Variants in STPG2 observed in about 807,000 individuals in gnomAD.
STPG2 encodes sperm tail PG-rich repeat containing 2, also known as sperm-tail PG-rich repeat-containing protein 2.
STPG2 carries 56 observed loss-of-function variants against 54.2 expected under a neutral mutation model. The ratio of observed to expected loss-of-function variants is 1.03; its 90% CI spans 0.83 to 1.29. The LOEUF (loss-of-function observed/expected upper bound fraction) is 1.29, where lower values mean the gene tolerates loss of function less well. STPG2 is among the 50% of genes most tolerant of loss of function. STPG2 has a pLI of 0.00. For synonymous variants in STPG2, 200 were observed against 181.8 expected (o/e 1.10, Z -0.81); for missense variants, 596 against 544.9 (o/e 1.09, Z -0.93).
intron 6 of STPG2, among the ~76,000 whole-genome samples, chr4:97,979,050 G>T (rs1734583876): frequency 6.6e-6 from 1 of 152,158 alleles, no homozygotes; most frequent in Non-Finnish European, 1.5e-5. Flanking sequence ...CCTCACAGGT[G>T]ATTTAAAACA....
chr4:97,944,346 A>G (rs891698339), intron 7 of STPG2, among the ~76,000 whole-genome samples: 3 of 151,860 alleles, frequency 2.0e-5, no homozygotes, highest in African/African-American at 7.2e-5. Flanking sequence ...ATTATATAGT[A>G]TTATTTAACA....
At chr4:97,638,634 A>C (rs1444805022) in intron 10 of STPG2, among the ~76,000 whole-genome samples, 27 of 144,066 alleles carry the variant, frequency 1.9e-4, no homozygotes, top group African/African-American at 6.3e-4. Context: ...CAATGAACTC[A>C]AACAAATTTA....
intron 9 of STPG2, among the ~76,000 whole-genome samples, chr4:97,788,139 T>A (rs1726882342): frequency 6.6e-6 from 1 of 151,988 alleles, no homozygotes; most frequent in African/African-American, 2.4e-5. Flanking sequence ...TTGACTATGA[T>A]CACCTCGTTG....
At chr4:97,633,842 A>C (rs1721394467) in intron 10 of STPG2, 1 of 156,522 alleles carries the variant, frequency 6.4e-6, no homozygotes, top group African/African-American at 2.4e-5. Context: ...TGAGGGTCCT[A>C]CCCCACGGAG....
intron 4 of STPG2, among the ~76,000 whole-genome samples, chr4:97,445,792 A>C (rs1476735927): frequency 6.6e-6 from 1 of 152,188 alleles, no homozygotes; most frequent in Non-Finnish European, 1.5e-5. Flanking sequence ...ATATTTTATT[A>C]CTTTAGCAAA....
At chr4:97,560,791 A>G (rs764672987) in intron 10 of STPG2, among the ~76,000 whole-genome samples, 6 of 152,224 alleles carry the variant, frequency 3.9e-5, no homozygotes, top group Non-Finnish European at 5.9e-5. Context: ...GTATTCTCAG[A>G]AGGTGACAAC....
intron 8 of STPG2, among the ~76,000 whole-genome samples, chr4:97,845,488 T>C (rs1289895467): frequency 2.0e-5 from 3 of 152,192 alleles, no homozygotes; most frequent in Admixed American, 6.5e-5. Context: ...TAAAGTTATT[T>C]ACGTCAATAT....
At chr4:97,862,793 C>G (rs551379097) in intron 8 of STPG2, among the ~76,000 whole-genome samples, 1 of 152,258 alleles carries the variant, frequency 6.6e-6, no homozygotes, top group Non-Finnish European at 1.5e-5. Flanking sequence ...TTAAGAAACT[C>G]ACTCAAAACC....
intron 10 of STPG2, among the ~76,000 whole-genome samples, chr4:97,592,726 C>A (rs376641801): frequency 2.6e-5 from 4 of 152,228 alleles, no homozygotes; most frequent in East Asian, 3.9e-4. Context: ...TGCACCAGAA[C>A]TCGTTTTTGG....
At chr4:98,134,631 A>G (rs1740089380) in intron 1 of STPG2, among the ~76,000 whole-genome samples, 172 bp from the exon 2 acceptor site, 1 of 151,320 alleles carries the variant, frequency 6.6e-6, no homozygotes, top group South Asian at 2.1e-4. Flanking sequence ...TAAGATCAGA[A>G]TTTTTATTAA....
At chr4:98,005,161 C>T (rs1192581647) in intron 5 of STPG2, among the ~76,000 whole-genome samples, 1 of 152,138 alleles carries the variant, frequency 6.6e-6, no homozygotes, top group East Asian at 1.9e-4. Flanking sequence ...GGCCAGAAGA[C>T]TCAGCAAGTC....
At chr4:98,107,353 AACT>A (rs35698931) in intron 4 of STPG2, among the ~76,000 whole-genome samples, 59,323 of 151,888 alleles carry the variant, frequency 0.39, 11,800 homozygotes, top group Middle Eastern at 0.46. Context: ...GAACTGAGAC[AACT>A]ACAAGTCAAA....
At chr4:97,634,283 T>A (rs1025006351) in intron 10 of STPG2, among the ~76,000 whole-genome samples, 3 of 152,114 alleles carry the variant, frequency 2.0e-5, no homozygotes, top group Non-Finnish European at 4.4e-5. Context: ...CTGAGGGTCC[T>A]GTCTGTTAGA....
intron 4 of STPG2, among the ~76,000 whole-genome samples, chr4:97,449,136 C>T (rs1015366856): frequency 1.6e-4 from 25 of 151,982 alleles, no homozygotes; most frequent in Non-Finnish European, 8.8e-5. Flanking sequence ...ATTAAATATT[C>T]TTCTAAAAGT....
chr4:97,977,571 T>C (rs191996277), intron 6 of STPG2, among the ~76,000 whole-genome samples: 3 of 152,240 alleles, frequency 2.0e-5, no homozygotes, highest in East Asian at 1.9e-4. Context: ...TACTTCAACA[T>C]AGGGGCTCAG....
At chr4:97,689,750 A>G (rs1723306681) in intron 10 of STPG2, among the ~76,000 whole-genome samples, 1 of 152,152 alleles carries the variant, frequency 6.6e-6, no homozygotes, top group Non-Finnish European at 1.5e-5. Flanking sequence ...ATTTAATACT[A>G]TTTAAGACAC....
At chr4:97,556,250 G>A (rs1354653271), downstream of STPG2, among the ~76,000 whole-genome samples, 2 of 152,154 alleles carry the variant, frequency 1.3e-5, no homozygotes, top group African/African-American at 4.8e-5. Flanking sequence ...GGTCATTAGA[G>A]TAAATGGTGA....
chr4:98,016,979 G>T (rs1470043160), intron 5 of STPG2, among the ~76,000 whole-genome samples: 1 of 152,178 alleles, frequency 6.6e-6, no homozygotes, highest in African/African-American at 2.4e-5. Context: ...CACAGGTCAG[G>T]TAGGCTTACT....
intron 9 of STPG2, among the ~76,000 whole-genome samples, chr4:97,748,451 A>T (rs1388163097): frequency 6.6e-6 from 1 of 151,556 alleles, no homozygotes; most frequent in African/African-American, 2.4e-5. Context: ...CACTAACCCA[A>T]AGCTTTCTCA....
Sources: allele counts gnomAD v4.1 joint callset (sites outside exome capture counted in the v4.1 genomes callset), GRCh38; gene constraint gnomAD v4.1.1; transcripts MANE v1.5; gene names NCBI Gene and HGNC (gene_info 2026-07-23, HGNC 2026-07-21).